The following NCALD variants were observed in gnomAD, a reference collection of about 807,000 sequenced individuals.
NCALD encodes neurocalcin delta.
Under a neutral mutation model 18.6 loss-of-function variants are expected in NCALD, and 10 were observed. The observed-to-expected ratio is 0.54, with a 90% confidence interval of 0.33 to 0.91. The LOEUF is 0.91. Among genes scored for constraint, NCALD ranks in the 40% least tolerant of loss-of-function variants. The pLI, the probability that NCALD is intolerant of heterozygous loss-of-function variation, is 0.03. For missense variants in NCALD, 184 were observed against 247.6 expected (o/e 0.74, Z 1.72); for synonymous variants, 88 against 87.4 (o/e 1.01, Z -0.04).
rs182320930 is a variant in NCALD at position 101,927,615 on chromosome 8, G to A, written c.-156-11757C>T. On this transcript the variant is annotated intron_variant, in intron 2 of 6. Transcript: ENST00000311028. ...GCACGGTCCGACATCCGCGCAGTGG[G>A]TACAGAAGAAAGTGGCATGAGATGA... Among the ~76,000 whole-genome samples, 430 of 152,320 alleles carry A rather than the reference G, an allele frequency of 2.8e-3. 4 individuals carry two copies. The highest frequency in any genetic ancestry group is 1.2e-3 in the Non-Finnish European group (82 of 68,018).
intron 4 of NCALD, among the ~76,000 whole-genome samples, chr8:101,867,519 C>T (rs1383642203): frequency 1.3e-5 from 2 of 152,140 alleles, no homozygotes; most frequent in East Asian, 3.9e-4. Context: ...AATTTGATTC[C>T]TTTGGATTTT....
At chr8:101,777,920 A>C (rs893059830) in intron 1 of NCALD, among the ~76,000 whole-genome samples, 1 of 152,240 alleles carries the variant, frequency 6.6e-6, no homozygotes, top group Non-Finnish European at 1.5e-5. Context: ...GATTTTAGAG[A>C]GAGCTAATGA....
intron 4 of NCALD, among the ~76,000 whole-genome samples, chr8:101,866,041 A>G (rs1244610381): frequency 6.6e-6 from 1 of 152,144 alleles, no homozygotes; most frequent in Non-Finnish European, 1.5e-5. Flanking sequence ...CCAGGATGAT[A>G]GCCAGGCTAG....
intron 1 of NCALD, among the ~76,000 whole-genome samples, chr8:102,032,707 TCTCATGTG>T (rs1822722357): frequency 6.6e-6 from 1 of 150,910 alleles, no homozygotes; most frequent in African/African-American, 2.4e-5. Flanking sequence ...AATATTTGTA[TCTCATGTG>T]CATGCTCACA....
intron 4 of NCALD, among the ~76,000 whole-genome samples, chr8:101,846,485 A>G (rs1380205631): frequency 1.3e-5 from 2 of 152,142 alleles, no homozygotes; most frequent in African/African-American, 2.4e-5. Context: ...TTCTACTTCC[A>G]TGCCAGTTTT....
chr8:101,914,254 T>C (rs1817900593), intron 3 of NCALD, among the ~76,000 whole-genome samples: 1 of 152,326 alleles, frequency 6.6e-6, no homozygotes, highest in South Asian at 2.1e-4. Flanking sequence ...AGCATGTCGC[T>C]CTACTGGAAT....
chr8:102,105,649 T>G (rs1158084125), intron 1 of NCALD, among the ~76,000 whole-genome samples: 3 of 152,136 alleles, frequency 2.0e-5, no homozygotes, highest in Non-Finnish European at 4.4e-5. Flanking sequence ...CCACATGACC[T>G]CTGAGAAAGA....
chr8:101,980,744 T>C (rs920050926), intron 2 of NCALD, among the ~76,000 whole-genome samples: 1 of 152,206 alleles, frequency 6.6e-6, no homozygotes, highest in African/African-American at 2.4e-5. Flanking sequence ...TGATGACTAA[T>C]GCTGTGCAAA....
intron 3 of NCALD, among the ~76,000 whole-genome samples, chr8:101,894,262 A>G: frequency 8.0e-5 from 10 of 124,338 alleles, no homozygotes; most frequent in Admixed American, 1.6e-4. Context: ...CTGAATGACT[A>G]CTGGGTACAT....
intron 2 of NCALD, among the ~76,000 whole-genome samples, chr8:101,999,177 C>T (rs558719364): frequency 6.6e-6 from 1 of 151,196 alleles, no homozygotes; most frequent in Admixed American, 6.6e-5. Context: ...CTTTAGAAGT[C>T]GTTACATGAA....
chr8:101,724,331 T>G (rs1222368805), intron 1 of NCALD, among the ~76,000 whole-genome samples: 1 of 152,208 alleles, frequency 6.6e-6, no homozygotes, highest in East Asian at 1.9e-4. Context: ...CAAAAAAGTT[T>G]GTAGATAACT....
At chr8:101,891,978 C>G (rs1197376431) in intron 3 of NCALD, among the ~76,000 whole-genome samples, 2 of 152,220 alleles carry the variant, frequency 1.3e-5, no homozygotes, top group Non-Finnish European at 2.9e-5. Flanking sequence ...GTAAACAAAG[C>G]AGCCAGGAAG....
At chr8:102,032,974 T>C (rs1822733241) in intron 1 of NCALD, among the ~76,000 whole-genome samples, 1 of 152,204 alleles carries the variant, frequency 6.6e-6, no homozygotes, top group South Asian at 2.1e-4. Context: ...GACTAGTTAG[T>C]CATGCTATGG....
At chr8:101,692,713 T>C (rs1814786397) in intron 3 of NCALD, 78 bp downstream of exon 3, 1 of 1,458,972 alleles carries the variant, frequency 6.9e-7, no homozygotes, top group Non-Finnish European at 9.5e-7. Context: ...GGGCCTCGAG[T>C]GGCACTTCCC....
At chr8:102,028,330 T>C (rs760994219) in intron 1 of NCALD, among the ~76,000 whole-genome samples, 1 of 152,206 alleles carries the variant, frequency 6.6e-6, no homozygotes, top group Non-Finnish European at 1.5e-5. Context: ...CTACGTACTA[T>C]TTTCTATCAA....
At chr8:101,742,314 G>T (rs750359728) in intron 1 of NCALD, among the ~76,000 whole-genome samples, 11 of 152,126 alleles carry the variant, frequency 7.2e-5, no homozygotes, top group Non-Finnish European at 1.3e-4. Flanking sequence ...GATGCTATAT[G>T]TAAGTATTCC....
At chr8:101,918,296 C>A (rs1475390522) in intron 2 of NCALD, among the ~76,000 whole-genome samples, 3 of 152,060 alleles carry the variant, frequency 2.0e-5, no homozygotes, top group Non-Finnish European at 4.4e-5. Flanking sequence ...CATGATAAAA[C>A]CCCTCAAGAA....
At chr8:101,707,221 G>A (rs1308733073) in intron 2 of NCALD, among the ~76,000 whole-genome samples, 2 of 152,080 alleles carry the variant, frequency 1.3e-5, no homozygotes, top group African/African-American at 4.8e-5. Flanking sequence ...AGTCTTTGGG[G>A]GAAAAAATGC....
At chr8:102,105,938 C>T (rs1483099391) in intron 1 of NCALD, among the ~76,000 whole-genome samples, 3 of 152,100 alleles carry the variant, frequency 2.0e-5, no homozygotes, top group South Asian at 2.1e-4. Flanking sequence ...ATAATATACT[C>T]GGAACAGTGT....
Sources: allele counts gnomAD v4.1 joint callset (sites outside exome capture counted in the v4.1 genomes callset), GRCh38; gene constraint gnomAD v4.1.1; transcripts MANE v1.5; gene names NCBI Gene and HGNC (gene_info 2026-07-23, HGNC 2026-07-21).